MAG: variants seen among roughly 807,000 people sequenced by gnomAD.
MAG encodes myelin-associated glycoprotein.
In MAG, 30 loss-of-function variants were observed where a neutral mutation model predicts 60.7. That is an observed-to-expected ratio of 0.49 (90% CI 0.37 to 0.67). MAG has a LOEUF of 0.67. Ranked by LOEUF, MAG falls within the 30% of genes least tolerant of loss-of-function variation. MAG has a pLI of 0.00. For synonymous variants in MAG, 384 were observed against 376.8 expected, an observed-to-expected ratio of 1.02 and a Z score of -0.22; for missense variants, 795 against 851.7, an observed-to-expected ratio of 0.93 and a Z score of 0.83.
At chr19:35,310,474 T>C (rs2145625633) in intron 8 of MAG, 73 bp from the exon 9 acceptor site, 4 of 1,297,422 alleles carry the variant, frequency 3.1e-6, no homozygotes, top group Non-Finnish European at 4.5e-6. Flanking sequence ...CATCCCAGCA[T>C]GTCTCCAAAG....
chr19:35,296,041 T>G, intron 4 of MAG, 60 bp downstream of exon 4: 3 of 1,514,508 alleles, frequency 2.0e-6, no homozygotes. Context: ...GGAAGGAGTG[T>G]GGCCGGAAGG....
rs1431167234 is a variant in MAG at position 35,294,305 on chromosome 19, A to G, written c.-24+15A>G. 4.6e-6 allele frequency: 2 copies of G among 436,554 alleles called. No individual in the cohort carries two copies. The highest frequency in any genetic ancestry group is 9.1e-6 in the Non-Finnish European group (2 of 218,832). 27.0% of individuals were successfully genotyped at this position (436,554 alleles called of 1,614,324 possible). ...GGGAGATTCAGGTGAGGGGCAGGGT[A>G]CCAACTCTCTTCCCTTGCTTCAGCT... On this transcript the variant is annotated intron_variant, in intron 2 of 10. Transcript: ENST00000392213.
At chr19:35,299,516 G>A (rs756016365) in intron 4 of MAG, 38 bp from the exon 5 acceptor site, 1 of 1,478,304 alleles carries the variant, frequency 6.8e-7, no homozygotes, top group Admixed American at 1.8e-5. Context: ...GTAGCCCAGT[G>A]CTGCTTTCTC....
rs200983687 is a variant in MAG, at chr19:35,292,166, G to A, written c.-118G>A. 29 of 454,860 alleles carry A rather than the reference G, an allele frequency of 6.4e-5. No homozygotes were observed. In the East Asian group the frequency reaches 1.1e-3, roughly 17 times the overall value. 28.2% of individuals were successfully genotyped at this position (454,860 alleles called of 1,614,324 possible). ...CCTGGAAGGCAGGGGACTGCGAGCT[G>A]GGCTGGCGGAGCAGAGGTGCAGAAG... On this transcript the variant is annotated 5_prime_UTR_variant, in exon 1 of 11. Transcript: ENST00000392213.
In MAG at chr19:35,295,928, T is replaced by C. The variant is rs1169791296; in HGVS notation, c.362T>C (p.Leu121Pro). Reference sequence around the variant, plus strand: ...GGGAAGTACTACTTCCGTGGGGACCTGGGCGGCTACAACCAGTACACCTTC... The same window carrying C: ...GGGAAGTACTACTTCCGTGGGGACCCGGGCGGCTACAACCAGTACACCTTC... ...LGGKYYFRGD[L>P]GGYNQYTFSE... is the part of the protein sequence containing the mutation. Residue 121 changes from leucine to proline, a missense_variant, in exon 4 of 11, where the codon CTG becomes CCG. By Grantham distance (98) the Leu-to-Pro change is moderately conservative. Transcript: ENST00000392213. The surrounding 1 kb of genome is among the most constrained non-coding windows in gnomAD (Gnocchi z 5.8). 6.2e-7 allele frequency: 1 copy of C among 1,613,220 alleles called. No homozygotes were observed.
chr19:35,311,832 C>T, intron 9 of MAG, 86 bp from the exon 10 acceptor site: 1 of 872,272 alleles, frequency 1.1e-6, no homozygotes, highest in Non-Finnish European at 1.9e-6. Flanking sequence ...TGGGAGAACT[C>T]TGAGGTCCCC....
intron 6 of MAG, among the ~76,000 whole-genome samples, 168 bp downstream of exon 6, chr19:35,300,572 C>T (rs1370905339): frequency 6.6e-6 from 1 of 152,216 alleles, no homozygotes; most frequent in Non-Finnish European, 1.5e-5. Context: ...TTCATTCTTT[C>T]CACAAGAATC....
At chr19:35,305,910 G>A (rs2066480143) in intron 7 of MAG, among the ~76,000 whole-genome samples, 1 of 148,694 alleles carries the variant, frequency 6.7e-6, no homozygotes, top group African/African-American at 2.5e-5. Flanking sequence ...AGCTGAGATG[G>A]AGCCAGTGCA....
chr19:35,303,518 T>G (rs2066463698), intron 7 of MAG, among the ~76,000 whole-genome samples: 2 of 152,130 alleles, frequency 1.3e-5, no homozygotes, highest in Admixed American at 1.3e-4. Flanking sequence ...ATCCAGGCAG[T>G]CTGGTTCCAT....
At position 35,307,234 on chromosome 19, in the gene MAG, A is replaced by G. The variant is rs146576632; in HGVS notation, c.1232-2640A>G. Among the ~76,000 whole-genome samples, 76 of 152,350 alleles carry G rather than the reference A, an allele frequency of 5.0e-4. No individual in the cohort carries two copies. In the East Asian group the frequency reaches 9.4e-3, roughly 19 times the overall value. On this transcript the variant is annotated intron_variant, in intron 7 of 10. Transcript: ENST00000392213. ...TCTGCCCGAACAGGACTTTTTATTC[A>G]GTAGACTTAGAGATGTTTGCACAGA...
At chr19:35,297,898 A>G (rs993237456) in intron 4 of MAG, among the ~76,000 whole-genome samples, 9 of 139,510 alleles carry the variant, frequency 6.5e-5, no homozygotes, top group African/African-American at 2.4e-4. Flanking sequence ...CCACACACAC[A>G]TACCACACTA....
chr19:35,312,396 G>C, intron 10 of MAG: 1 of 1,373,256 alleles, frequency 7.3e-7, no homozygotes. Flanking sequence ...GTGCATGTCC[G>C]TGTGTCCCTG....
intron 7 of MAG, among the ~76,000 whole-genome samples, chr19:35,307,797 C>T (rs749180954): frequency 2.0e-5 from 3 of 152,180 alleles, no homozygotes; most frequent in Non-Finnish European, 4.4e-5. Context: ...CAAAGCTCAA[C>T]CAAGTGACTT....
chr19:35,311,991 AT>A lies in MAG; in HGVS notation c.1691del (p.Ile564ThrfsTer32), dbSNP rs1284624934. On this transcript the variant is annotated frameshift_variant, in exon 10 of 11. Coordinates refer to ENST00000392213, the MANE Select transcript of MAG (RefSeq NM_002361.4). LOFTEE classifies it high-confidence loss of function. The part of the protein sequence containing the change: ...PPVLFSSDFR[I>X]SGAPEKYESE... Reference sequence around the variant, plus strand: ...CGTCCTGTTCAGCAGCGACTTCCGCATCTCTGGGGCACCAGAGAAGTACGAG... The same window carrying A: ...CGTCCTGTTCAGCAGCGACTTCCGCACTCTGGGGCACCAGAGAAGTACGAG... 1 of 1,612,932 alleles carries A rather than the reference AT, an allele frequency of 6.2e-7. No individual in the cohort carries two copies. Among genetic ancestry groups the A allele is most frequent in the Non-Finnish European group, 8.5e-7 (1 of 1,179,540 alleles).
chr19:35,311,276 T>C (rs2145626643), intron 9 of MAG, among the ~76,000 whole-genome samples: 1 of 152,092 alleles, frequency 6.6e-6, no homozygotes, highest in Middle Eastern at 3.4e-3. Flanking sequence ...GAGGCCAGCC[T>C]GGGCAACATA....
intron 7 of MAG, among the ~76,000 whole-genome samples, chr19:35,305,299 G>C (rs2145618768): frequency 6.6e-6 from 1 of 152,278 alleles, no homozygotes; most frequent in East Asian, 1.9e-4. Context: ...GGTGACCCTT[G>C]AGCAGGGCCT....
rs559388854 is a variant in MAG, at chr19:35,292,811, G to T, written c.-80+607G>T. On this transcript the variant is annotated intron_variant, in intron 1 of 10. Coordinates refer to ENST00000392213, the MANE Select transcript of MAG (RefSeq NM_002361.4). Reference sequence around the variant, plus strand: ...ACGGGACTCTCACTATATTGCCCAGGCTGGTCTCAAACTTCTGGGCACAAG... The same window carrying T: ...ACGGGACTCTCACTATATTGCCCAGTCTGGTCTCAAACTTCTGGGCACAAG... Among the ~76,000 whole-genome samples the T allele has an allele frequency of 1.2e-3, 177 of 151,836 alleles. 1 individual carries two copies. The highest frequency in any genetic ancestry group is 3.1e-3 in the South Asian group (15 of 4,820).
chr19:35,308,781 A>G (rs983935049), intron 7 of MAG, among the ~76,000 whole-genome samples: 10 of 152,084 alleles, frequency 6.6e-5, no homozygotes, highest in African/African-American at 9.7e-5. Flanking sequence ...TGCTGTATAC[A>G]TTACATTGAA....
intron 7 of MAG, among the ~76,000 whole-genome samples, chr19:35,306,324 T>C (rs2066485559): frequency 6.6e-6 from 1 of 152,152 alleles, no homozygotes; most frequent in African/African-American, 2.4e-5. Flanking sequence ...GACTCCAGGT[T>C]AAATATTTGT....
Sources: gnomAD v4.1 joint callset for allele counts (sites outside exome capture counted in the v4.1 genomes callset) on GRCh38, gnomAD v4.1.1 for gene constraint, Gnocchi (gnomAD v3.1) non-coding constraint, MANE v1.5 for transcripts, NCBI Gene and HGNC (gene_info 2026-07-23, HGNC 2026-07-21) for gene names.